PHACTR2: variants seen among roughly 807,000 people sequenced by gnomAD.
PHACTR2 encodes chromosome 6 open reading frame 56.
A neutral mutation model predicts 76.0 loss-of-function variants in PHACTR2; 30 were observed. That is an observed-to-expected ratio of 0.39 (90% CI 0.30 to 0.54). The LOEUF (loss-of-function observed/expected upper bound fraction) is 0.54, where lower values mean the gene tolerates loss of function less well. Ranked by LOEUF, PHACTR2 falls within the 20% of genes least tolerant of loss-of-function variation. PHACTR2 has a pLI of 0.61. For missense variants in PHACTR2, 696 were observed against 781.1 expected (o/e 0.89, Z 1.30); for synonymous variants, 292 against 292.5 (o/e 1.00, Z 0.02).
rs1775690834 is a variant in PHACTR2 at position 143,791,580 on chromosome 6, C to T, written c.1845+2670C>T. Among the ~76,000 whole-genome samples the T allele has an allele frequency of 6.6e-6, 1 of 152,134 alleles. No individual in the cohort carries two copies. The highest frequency in any genetic ancestry group is 1.9e-4 in the East Asian group (1 of 5,198). On this transcript the variant is annotated intron_variant, in intron 11 of 12. Coordinates refer to ENST00000440869, the MANE Select transcript of PHACTR2 (RefSeq NM_001100164.2). This position sits in a 1 kb window ranked among gnomAD's most constrained non-coding sequence, Gnocchi z 4.7. ...ATGGTTTGAGGGTGTGCAAATTTTC[C>T]TGTAAGATCAATCTTGCTAGTTCTA... is the stretch of plus-strand genomic sequence containing the variant.
In PHACTR2 at chr6:143,679,208, C is replaced by T. The variant is rs548257150; in HGVS notation, c.46+999C>T. Among the ~76,000 whole-genome samples the T allele has an allele frequency of 6.6e-6, 1 of 152,230 alleles. No individual in the cohort carries two copies. The highest frequency in any genetic ancestry group is 2.1e-4 in the South Asian group (1 of 4,822). Reference sequence around the variant, plus strand: ...GCTAGATAGCATTCTGTCATTCCAACCCCCCACCCCACTTTATACCCAGTG... The same window carrying T: ...GCTAGATAGCATTCTGTCATTCCAATCCCCCACCCCACTTTATACCCAGTG... On this transcript the variant is annotated intron_variant, in intron 1 of 12. Coordinates refer to ENST00000440869, the MANE Select transcript of PHACTR2 (RefSeq NM_001100164.2). This position sits in a 1 kb window ranked among gnomAD's most constrained non-coding sequence, Gnocchi z 4.6.
In PHACTR2 at chr6:143,680,404, G is replaced by A. The variant is rs79219443; in HGVS notation, c.46+2195G>A. Among the ~76,000 whole-genome samples, 2,060 of 152,246 alleles carry A rather than the reference G, an allele frequency of 0.014. 46 individuals are homozygous for A. Among genetic ancestry groups the A allele is most frequent in the African/African-American group, 0.045 (1,886 of 41,532 alleles). On this transcript the variant is annotated intron_variant, in intron 1 of 12. Coordinates refer to ENST00000440869, the MANE Select transcript of PHACTR2 (RefSeq NM_001100164.2). The surrounding 1 kb of genome is among the most constrained non-coding windows in gnomAD (Gnocchi z 4.5). ...ATGATTCTCATCTTAAATGCTTAGT[G>A]GGCGAAAATCTGTTTAAGTCAAAGG... is the stretch of plus-strand genomic sequence containing the variant.
chr6:143,787,168 A>G lies in PHACTR2; in HGVS notation c.1708-1605A>G, dbSNP rs1775574742. ...ACTTGCCTCCACCATACATAGCTCC[A>G]TGCCGTAGGTGCAGGTCAGCCCGTA... On this transcript the variant is annotated intron_variant, in intron 10 of 12. Coordinates refer to ENST00000440869, the MANE Select transcript of PHACTR2 (RefSeq NM_001100164.2). The surrounding 1 kb of genome is among the most constrained non-coding windows in gnomAD (Gnocchi z 4.6). Among the ~76,000 whole-genome samples the G allele has an allele frequency of 6.6e-6, 1 of 152,200 alleles. No individual in the cohort carries two copies. The highest frequency in any genetic ancestry group is 2.4e-5 in the African/African-American group (1 of 41,454).
intron 2 of PHACTR2, among the ~76,000 whole-genome samples, chr6:143,715,713 A>C (rs181150518): frequency 7.2e-5 from 11 of 152,274 alleles, no homozygotes; most frequent in African/African-American, 2.4e-4. Context: ...CTATAAATGC[A>C]TTCCAACCAA....
rs2128454264 is a variant in PHACTR2 at position 143,684,897 on chromosome 6, C to T, written c.46+6688C>T. On this transcript the variant is annotated intron_variant, in intron 1 of 12. Coordinates refer to ENST00000440869, the MANE Select transcript of PHACTR2 (RefSeq NM_001100164.2). The surrounding 1 kb of genome is among the most constrained non-coding windows in gnomAD (Gnocchi z 4.3). ...TTGTAAATCTATATGTAAAAAATGG[C>T]ATCTTATTTTGATTATGAGTGATGT... 6.6e-6 allele frequency among the ~76,000 whole-genome samples: 1 copy of T among 152,296 alleles called. No individual in the cohort carries two copies. Among genetic ancestry groups the T allele is most frequent in the South Asian group, 2.1e-4 (1 of 4,830 alleles).
rs990248799 is a variant in PHACTR2, at chr6:143,556,942, A to G, written c.217+19735A>G. Among the ~76,000 whole-genome samples the G allele has an allele frequency of 5.9e-5, 9 of 152,220 alleles. No homozygotes were observed. Among genetic ancestry groups the G allele is most frequent in the African/African-American group, 2.2e-4 (9 of 41,458 alleles). The stretch of plus-strand genomic sequence containing the variant: ...TGCTGCCTGTCTGTCCTCCTCCCTC[A>G]GAGAGACCACATTTCCTTTTGAAAC... On this transcript the variant is annotated intron_variant, in intron 1 of 11. Coordinates refer to the PHACTR2 transcript ENST00000367584. This position sits in a 1 kb window ranked among gnomAD's most constrained non-coding sequence, Gnocchi z 4.3.
At chr6:143,719,053 T>A (rs997904922) in intron 2 of PHACTR2, among the ~76,000 whole-genome samples, 1 of 151,932 alleles carries the variant, frequency 6.6e-6, no homozygotes, top group Non-Finnish European at 1.5e-5. Context: ...CAGCTAATTT[T>A]TGTATTTTTA....
chr6:143,686,793 C>T (rs1777537194), intron 1 of PHACTR2, among the ~76,000 whole-genome samples: 1 of 152,090 alleles, frequency 6.6e-6, no homozygotes, highest in Non-Finnish European at 1.5e-5. Context: ...CCAGGAACTT[C>T]ATTCTTGAAG....
chr6:143,685,207 G>A (rs117388206), intron 1 of PHACTR2, among the ~76,000 whole-genome samples: 436 of 151,942 alleles, frequency 2.9e-3, no homozygotes, highest in Non-Finnish European at 5.0e-3. Flanking sequence ...TTTGATCTCT[G>A]TAATTTATTC....
Position 143,663,540 on chromosome 6 carries a change from C to G in PHACTR2, c.14-48476C>G, listed in dbSNP as rs977118420. 6.6e-6 allele frequency among the ~76,000 whole-genome samples: 1 copy of G among 151,704 alleles called. No individual in the cohort carries two copies. The highest frequency in any genetic ancestry group is 2.1e-4 in the South Asian group (1 of 4,820). ...TTATCTTTCCCTGAATAGATCTTTT[C>G]TTTGTTTTTTTAAATAAATGCGATT... On this transcript the variant is annotated intron_variant, in intron 1 of 11. Coordinates refer to the PHACTR2 transcript ENST00000305766. This position sits in a 1 kb window ranked among gnomAD's most constrained non-coding sequence, Gnocchi z 4.1.
Position 143,774,297 on chromosome 6 carries a change from G to A in PHACTR2, c.1589+82G>A. ...AGCTTCCTACCTAACTGGGGTCATT[G>A]TGAATTCCTTATGTACAGATACATC... On this transcript the variant is annotated intron_variant, in intron 8 of 12. Transcript: ENST00000440869. The surrounding 1 kb of genome is among the most constrained non-coding windows in gnomAD (Gnocchi z 5.4). 3 of 1,127,206 alleles carry A rather than the reference G, an allele frequency of 2.7e-6. No individual in the cohort carries two copies. The highest frequency in any genetic ancestry group is 2.8e-5 in the South Asian group (2 of 70,822). 69.8% of individuals were successfully genotyped at this position (1,127,206 alleles called of 1,614,324 possible).
At chr6:143,717,916 A>G (rs1001296169) in intron 2 of PHACTR2, among the ~76,000 whole-genome samples, 4 of 152,192 alleles carry the variant, frequency 2.6e-5, no homozygotes, top group African/African-American at 7.2e-5. Context: ...TTTAAAAATT[A>G]TAACAAATTA....
rs1776565383 is a variant in PHACTR2, at chr6:143,641,711, G to A, written c.13+33389G>A. Among the ~76,000 whole-genome samples the A allele has an allele frequency of 6.6e-6, 1 of 152,048 alleles. No individual in the cohort carries two copies. Among genetic ancestry groups the A allele is most frequent in the South Asian group, 2.1e-4 (1 of 4,826 alleles). On this transcript the variant is annotated intron_variant, in intron 1 of 11. Transcript: ENST00000305766. The surrounding 1 kb of genome is among the most constrained non-coding windows in gnomAD (Gnocchi z 5.8). Reference sequence around the variant, plus strand: ...AATAGAGACGGGGTTTCTCCATGTTGGTCAGGCTGGTCTTGAACTCCCAAC... The same window carrying A: ...AATAGAGACGGGGTTTCTCCATGTTAGTCAGGCTGGTCTTGAACTCCCAAC...
In PHACTR2 at chr6:143,760,688, C is replaced by T. The variant is rs780171615; in HGVS notation, c.694+48C>T. On this transcript the variant is annotated intron_variant, in intron 5 of 12. Coordinates refer to ENST00000440869, the MANE Select transcript of PHACTR2 (RefSeq NM_001100164.2). This position sits in a 1 kb window ranked among gnomAD's most constrained non-coding sequence, Gnocchi z 6.4. ...GTGGGGTCACTTCTAGGGTGCTTGGCTCTGGGATGGGGCTAATTGTTTCTT... is the reference window on the plus strand; with the variant it reads ...GTGGGGTCACTTCTAGGGTGCTTGGTTCTGGGATGGGGCTAATTGTTTCTT... 5 of 1,591,466 alleles carry T rather than the reference C, an allele frequency of 3.1e-6. No homozygotes were observed. The highest frequency in any genetic ancestry group is 3.6e-5 in the Admixed American group (2 of 56,318).
chr6:143,655,779 G>C (rs560950506), intron 1 of PHACTR2, among the ~76,000 whole-genome samples: 1 of 152,272 alleles, frequency 6.6e-6, no homozygotes, highest in Admixed American at 6.5e-5. Context: ...CCACATACTT[G>C]CTATTATCTC....
rs936540144 is a variant in PHACTR2, at chr6:143,548,583, A to G, written c.217+11376A>G. ...CAGGTAGCCATTCCTGACACCAGCT[A>G]TATCCGTTTTGTTGGACAGAGACCA... On this transcript the variant is annotated intron_variant, in intron 1 of 11. Coordinates refer to the PHACTR2 transcript ENST00000367584. This position sits in a 1 kb window ranked among gnomAD's most constrained non-coding sequence, Gnocchi z 4.5. 3.9e-5 allele frequency among the ~76,000 whole-genome samples: 6 copies of G among 152,102 alleles called. No individual in the cohort carries two copies. Among genetic ancestry groups the G allele is most frequent in the African/African-American group, 1.4e-4 (6 of 41,436 alleles).
rs778780795 is a variant in PHACTR2, at chr6:143,543,279, T to A, written c.217+6072T>A. 6.6e-6 allele frequency among the ~76,000 whole-genome samples: 1 copy of A among 152,228 alleles called. No homozygotes were observed. The highest frequency in any genetic ancestry group is 1.5e-5 in the Non-Finnish European group (1 of 68,042). On this transcript the variant is annotated intron_variant, in intron 1 of 11. Transcript: ENST00000367584. This position sits in a 1 kb window ranked among gnomAD's most constrained non-coding sequence, Gnocchi z 4.7. Reference sequence around the variant, plus strand: ...GAGACAGATATTAAAGCCGTGGATTTATTCTGGCCCCTACGTACTGATGAA... The same window carrying A: ...GAGACAGATATTAAAGCCGTGGATTAATTCTGGCCCCTACGTACTGATGAA...
chr6:143,586,751 G>A (rs982309400), intron 1 of PHACTR2, among the ~76,000 whole-genome samples: 5 of 152,226 alleles, frequency 3.3e-5, no homozygotes, highest in African/African-American at 1.2e-4. Flanking sequence ...TAACTCCCAG[G>A]TGTTGCCATG....
At position 143,733,849 on chromosome 6, in the gene PHACTR2, A is replaced by C. The variant is rs992080400; in HGVS notation, c.215-15136A>C. 7.9e-5 allele frequency among the ~76,000 whole-genome samples: 12 copies of C among 152,218 alleles called. No homozygotes were observed. The highest frequency in any genetic ancestry group is 1.8e-4 in the Non-Finnish European group (12 of 68,038). On this transcript the variant is annotated intron_variant, in intron 2 of 12. Coordinates refer to ENST00000440869, the MANE Select transcript of PHACTR2 (RefSeq NM_001100164.2). The surrounding 1 kb of genome is among the most constrained non-coding windows in gnomAD (Gnocchi z 4.0). ...CCTAATGAGACCAAATGAGTGCTAG[A>C]AATTCTGTGGGCAAGAGATATTATA...
Sources: gnomAD v4.1 joint callset for allele counts (sites outside exome capture counted in the v4.1 genomes callset) on GRCh38, gnomAD v4.1.1 for gene constraint, Gnocchi (gnomAD v3.1) non-coding constraint, MANE v1.5 for transcripts, NCBI Gene and HGNC (gene_info 2026-07-23, HGNC 2026-07-21) for gene names.